Variants in BICDL1 observed in about 807,000 individuals in gnomAD.
The protein encoded by BICDL1 is BICD family like cargo adaptor 1, also known as BICD family-like cargo adapter 1.
In BICDL1, 20 loss-of-function variants were observed where a neutral mutation model predicts 76.8. That is an observed-to-expected ratio of 0.26 (90% CI 0.18 to 0.38). The LOEUF (loss-of-function observed/expected upper bound fraction) is 0.38. Ranked by LOEUF, BICDL1 falls within the 10% of genes least tolerant of loss-of-function variation. The pLI, the probability that BICDL1 is intolerant of heterozygous loss-of-function variation, is 1.00. For synonymous variants in BICDL1, 383 were observed against 337.1 expected (o/e 1.14, Z -1.49); for missense variants, 700 against 798.6 (o/e 0.88, Z 1.49).
chr12:120,040,466 G>A (rs1486016720), intron 2 of BICDL1, among the ~76,000 whole-genome samples: 5 of 150,890 alleles, frequency 3.3e-5, no homozygotes, highest in Admixed American at 3.3e-4. Context: ...TGGCTCTATC[G>A]CCCAGGCTGC....
chr12:120,033,572 AG>A, intron 2 of BICDL1, among the ~76,000 whole-genome samples: 1 of 151,798 alleles, frequency 6.6e-6, no homozygotes, highest in Admixed American at 6.6e-5. Flanking sequence ...TAGTAGAGAC[AG>A]GGTTTCACCG....
rs139222132 is a variant in BICDL1 at position 120,001,895 on chromosome 12, T to A, written c.645+3159T>A. ...TAAGACCCTGTCTTTACAAAAAAAATGTTTTTAAATTCTCCATGTGTAGTG... is the reference window on the plus strand; with the variant it reads ...TAAGACCCTGTCTTTACAAAAAAAAAGTTTTTAAATTCTCCATGTGTAGTG... On this transcript the variant is annotated intron_variant, in intron 2 of 9. Transcript: ENST00000548673. Among the ~76,000 whole-genome samples the A allele has an allele frequency of 1.9e-3, 286 of 152,164 alleles. 1 individual carries two copies. The highest frequency in any genetic ancestry group is 4.1e-4 in the Non-Finnish European group (28 of 67,990).
At chr12:120,005,935 C>T (rs1302645136) in intron 2 of BICDL1, among the ~76,000 whole-genome samples, 1 of 152,156 alleles carries the variant, frequency 6.6e-6, no homozygotes, top group Non-Finnish European at 1.5e-5. Context: ...TGCCTACAAA[C>T]AGGATAGCTA....
intron 2 of BICDL1, among the ~76,000 whole-genome samples, chr12:120,030,006 T>C (rs932138375): frequency 2.6e-5 from 4 of 152,188 alleles, no homozygotes; most frequent in African/African-American, 9.7e-5. Flanking sequence ...GTCTTTTTTC[T>C]TCCAGTTTTA....
intron 2 of BICDL1, among the ~76,000 whole-genome samples, chr12:120,038,342 T>G (rs1306036228): frequency 6.6e-6 from 1 of 152,246 alleles, no homozygotes; most frequent in Non-Finnish European, 1.5e-5. Flanking sequence ...GTAAAGGATT[T>G]ATTTTATTAC....
chr12:120,075,251 GCAC>G (rs1390880768), intron 7 of BICDL1, among the ~76,000 whole-genome samples: 1 of 152,114 alleles, frequency 6.6e-6, no homozygotes, highest in Non-Finnish European at 1.5e-5. Flanking sequence ...GGCTGGGGTA[GCAC>G]CAAGCAAGCA....
At position 120,081,036 on chromosome 12, in the gene BICDL1, A is replaced by G. The variant is rs1400605983; in HGVS notation, c.1583+19A>G. The G allele has an allele frequency of 3.1e-6, 5 of 1,610,574 alleles. No individual in the cohort carries two copies. The Admixed American group carries it at 8.3e-5, about 27-fold the overall frequency. The stretch of plus-strand genomic sequence containing the variant: ...TTGCAAAGTGAGTAGGGATGGCTTC[A>G]CTTTATTCTTAAGATAAAGTTGAGT... On this transcript the variant is annotated intron_variant, in intron 8 of 9. Coordinates refer to ENST00000548673, the MANE Select transcript of BICDL1 (RefSeq NM_001367886.1).
intron 2 of BICDL1, among the ~76,000 whole-genome samples, chr12:120,052,212 G>A (rs904436095): frequency 3.7e-4 from 56 of 152,022 alleles, no homozygotes; most frequent in Admixed American, 3.6e-3. Flanking sequence ...AAAGTGCTGG[G>A]ATTACAGGCA....
Position 120,093,303 on chromosome 12 carries a change from T to G in BICDL1, c.*142T>G. On this transcript the variant is annotated 3_prime_UTR_variant, in exon 10 of 10. Coordinates refer to ENST00000548673, the MANE Select transcript of BICDL1 (RefSeq NM_001367886.1). ...GCCCCATGGGTCCGGGAGGGCCTGC[T>G]CCCTTTCGTCGGTGGGGATGGAGAC... is the stretch of plus-strand genomic sequence containing the variant. 1.0e-6 allele frequency: 1 copy of G among 955,456 alleles called. No individual in the cohort carries two copies. Among genetic ancestry groups the G allele is most frequent in the African/African-American group, 1.7e-5 (1 of 60,108 alleles). The allele number at this position is 955,456 out of a possible 1,614,324, so 59.2% of individuals were successfully genotyped here.
intron 2 of BICDL1, among the ~76,000 whole-genome samples, chr12:120,061,382 C>T (rs1953100762): frequency 6.6e-6 from 1 of 152,152 alleles, no homozygotes; most frequent in African/African-American, 2.4e-5. Flanking sequence ...AATATTCAGA[C>T]TTTCAATTTA....
At chr12:120,067,174 G>T (rs979972277) in intron 4 of BICDL1, among the ~76,000 whole-genome samples, 2 of 152,192 alleles carry the variant, frequency 1.3e-5, no homozygotes, top group African/African-American at 4.8e-5. Flanking sequence ...AAATCTATTT[G>T]TCCCTCTAAG....
Position 119,990,086 on chromosome 12 carries a change from G to A in BICDL1, c.218G>A (p.Gly73Glu), listed in dbSNP as rs1951483458. Residue 73 changes from glycine to glutamate, a missense_variant, in exon 1 of 10, where the codon GGG becomes GAG. Coordinates refer to ENST00000548673, the MANE Select transcript of BICDL1 (RefSeq NM_001367886.1). ...GCCGGGGAGCGGCCGTCCGACCCCGGGGAACACCCTCAGGCCGAGCCTGGG... is the reference window on the plus strand; with the variant it reads ...GCCGGGGAGCGGCCGTCCGACCCCGAGGAACACCCTCAGGCCGAGCCTGGG... The part of the protein sequence containing the change: ...LAAGERPSDP[G>E]EHPQAEPGSL... 6.5e-7 allele frequency: 1 copy of A among 1,542,020 alleles called. No individual in the cohort carries two copies.
At chr12:120,034,892 A>G (rs1952501362) in intron 2 of BICDL1, among the ~76,000 whole-genome samples, 1 of 152,198 alleles carries the variant, frequency 6.6e-6, no homozygotes, top group Admixed American at 6.5e-5. Flanking sequence ...TCTCTGTTTT[A>G]TGTAACCTTT....
chr12:120,007,012 G>A (rs1951862815), intron 2 of BICDL1, among the ~76,000 whole-genome samples: 1 of 152,106 alleles, frequency 6.6e-6, no homozygotes, highest in South Asian at 2.1e-4. Flanking sequence ...GGTTAGGTTG[G>A]ATATATGTTT....
rs1457239960 is a variant in BICDL1 at position 120,009,721 on chromosome 12, A to G, written c.645+10985A>G. ...GACAGGCAGACAAAAAGTTGGCAGCATACTATATACTCTTTTGTTACTTAT... is the reference window on the plus strand; with the variant it reads ...GACAGGCAGACAAAAAGTTGGCAGCGTACTATATACTCTTTTGTTACTTAT... On this transcript the variant is annotated intron_variant, in intron 2 of 9. Transcript: ENST00000548673. Among the ~76,000 whole-genome samples the G allele has an allele frequency of 2.0e-5, 3 of 152,348 alleles. No homozygotes were observed. The East Asian group carries it at 5.8e-4, about 29-fold the overall frequency.
At chr12:120,063,156 G>A (rs1953142594) in intron 3 of BICDL1, among the ~76,000 whole-genome samples, 2 of 152,146 alleles carry the variant, frequency 1.3e-5, no homozygotes. Context: ...TCACTTCACT[G>A]ACTGAAAGTT....
Position 120,083,637 on chromosome 12 carries a change from T to G in BICDL1, c.1583+2620T>G, listed in dbSNP as rs982625057. Reference sequence around the variant, plus strand: ...ACAAAATATTAATAGTAGTATTTATTTATTTATTTATTTATTTATTTATTT... The same window carrying G: ...ACAAAATATTAATAGTAGTATTTATGTATTTATTTATTTATTTATTTATTT... On this transcript the variant is annotated intron_variant, in intron 8 of 9. Transcript: ENST00000548673. 5.7e-3 allele frequency among the ~76,000 whole-genome samples: 509 copies of G among 89,652 alleles called. 3 individuals are homozygous for G. The highest frequency in any genetic ancestry group is 0.026 in the African/African-American group (495 of 19,044). 58.8% of individuals were successfully genotyped at this position (89,652 alleles called of 152,430 possible). A position where few individuals can be genotyped will look rare whatever the true frequency, so the allele number is the denominator to read the frequency against.
At chr12:120,083,087 TCCTGG>T (rs1874119177) in intron 8 of BICDL1, among the ~76,000 whole-genome samples, 1 of 151,756 alleles carries the variant, frequency 6.6e-6, no homozygotes, top group African/African-American at 2.4e-5. Context: ...ACTCTCGAAC[TCCTGG>T]CCTCAAGTGA....
chr12:120,093,283 A>G lies in BICDL1; in HGVS notation c.*122A>G, dbSNP rs535582123. ...GCCCTGCCCCTCATGCTAGGGCCCC[A>G]TGGGTCCGGGAGGGCCTGCTCCCTT... On this transcript the variant is annotated 3_prime_UTR_variant, in exon 10 of 10. Coordinates refer to ENST00000548673, the MANE Select transcript of BICDL1 (RefSeq NM_001367886.1). The G allele has an allele frequency of 7.6e-6, 9 of 1,186,904 alleles. No individual in the cohort carries two copies. Among genetic ancestry groups the G allele is most frequent in the South Asian group, 1.4e-5 (1 of 71,350 alleles). The allele number at this position is 1,186,904 out of a possible 1,614,324, so 73.5% of individuals were successfully genotyped here.
Sources: allele counts gnomAD v4.1 joint callset (sites outside exome capture counted in the v4.1 genomes callset), GRCh38; gene constraint gnomAD v4.1.1; transcripts MANE v1.5; gene names NCBI Gene and HGNC (gene_info 2026-07-23, HGNC 2026-07-21).